Variants in ADGRG4 observed in about 807,000 individuals in gnomAD.
ADGRG4 encodes adhesion G protein-coupled receptor G4.
In ADGRG4, 122 loss-of-function variants were observed where a neutral mutation model predicts 126.2. The observed-to-expected ratio is 0.97, with a 90% confidence interval of 0.83 to 1.12. The LOEUF (loss-of-function observed/expected upper bound fraction) is 1.12. Ranked by LOEUF, ADGRG4 falls within the 50% of genes most tolerant of loss-of-function variation. The pLI, the probability that ADGRG4 is intolerant of heterozygous loss-of-function variation, is 0.00. For synonymous variants in ADGRG4, 943 were observed against 838.7 expected, an observed-to-expected ratio of 1.12 and a Z score of -2.15; for missense variants, 2,481 against 2,251.8, an observed-to-expected ratio of 1.10 and a Z score of -2.06.
In ADGRG4 at chrX:136,348,488, A is replaced by C. The variant is rs756520796; in HGVS notation, c.4782A>C (p.Ser1594=). 7 of 1,207,646 alleles carry C rather than the reference A, an allele frequency of 5.8e-6. No individual in the cohort carries two copies. In the African/African-American group the frequency reaches 1.1e-4, roughly 18 times the overall value. ...RVGLFSTLLS[S]VTPRTTMTMQ... ...GGTTATTCTCTACTTTATTGTCTTC[A>C]GTTACCCCCAGGACTACTATGACCA... Residue 1594 remains serine (S), a synonymous_variant, in exon 6 of 26, where the codon TCA becomes TCC. Transcript: ENST00000394143.
At chrX:136,355,920 A>G (rs1362940151) in intron 8 of ADGRG4, among the ~76,000 whole-genome samples, 2 of 111,755 alleles carry the variant, frequency 1.8e-5, no homozygotes, top group Non-Finnish European at 3.8e-5. Context: ...TGCAAGGTTA[A>G]TAAATCAAAG....
intron 1 of ADGRG4, among the ~76,000 whole-genome samples, chrX:136,303,180 TGTG>T (rs2074713147): frequency 9.1e-6 from 1 of 109,376 alleles, no homozygotes; most frequent in Admixed American, 9.7e-5. Context: ...ATTAGCAAGG[TGTG>T]GTGGTGGATG....
chrX:136,387,584 G>A (rs2075298505), intron 15 of ADGRG4, among the ~76,000 whole-genome samples, 156 bp from the exon 16 acceptor site: 1 of 111,648 alleles, frequency 9.0e-6, no homozygotes, highest in African/African-American at 3.3e-5. Flanking sequence ...GACTGTGTGT[G>A]TGTGTGTGTG....
chrX:136,376,900 A>G (rs2075229946), intron 15 of ADGRG4, among the ~76,000 whole-genome samples: 1 of 110,696 alleles, frequency 9.0e-6, no homozygotes, highest in Admixed American at 9.7e-5. Context: ...GTGAACAGCA[A>G]CAGCTTGACT....
At chrX:136,310,539 C>A in intron 4 of ADGRG4, among the ~76,000 whole-genome samples, 1 of 111,214 alleles carries the variant, frequency 9.0e-6, no homozygotes, top group Non-Finnish European at 1.9e-5. Flanking sequence ...TTGGAAACAA[C>A]GGCATAACTC....
In ADGRG4 at chrX:136,336,781, G is replaced by A. The variant is rs773641642; in HGVS notation, c.686-7611G>A. On this transcript the variant is annotated intron_variant, in intron 5 of 25. Coordinates refer to ENST00000394143, the MANE Select transcript of ADGRG4 (RefSeq NM_153834.4). Reference sequence around the variant, plus strand: ...ACAGCAACATATGGGTTACTTGAGCGTACTTTAATATTCCATCTTGATTTA... The same window carrying A: ...ACAGCAACATATGGGTTACTTGAGCATACTTTAATATTCCATCTTGATTTA... 1.4e-4 allele frequency among the ~76,000 whole-genome samples: 16 copies of A among 111,972 alleles called. No homozygotes were observed. The East Asian group carries it at 2.8e-3, about 20-fold the overall frequency.
At chrX:136,303,741 A>G (rs2074717290) in intron 1 of ADGRG4, among the ~76,000 whole-genome samples, 1 of 111,232 alleles carries the variant, frequency 9.0e-6, no homozygotes, top group South Asian at 3.9e-4. Flanking sequence ...TTCCTCCAGC[A>G]TTGGACCCTT....
chrX:136,364,010 C>A (rs1026687227), intron 13 of ADGRG4, among the ~76,000 whole-genome samples: 2 of 110,046 alleles, frequency 1.8e-5, no homozygotes, highest in Admixed American at 1.9e-4. Flanking sequence ...GGGGTTTCAC[C>A]ATGTTGGCCA....
chrX:136,411,464 C>T (rs1259585449), intron 23 of ADGRG4, among the ~76,000 whole-genome samples: 1 of 112,980 alleles, frequency 8.9e-6, no homozygotes, highest in Non-Finnish European at 1.9e-5. Flanking sequence ...CCTTGCAGGA[C>T]AAAATCAGGG....
chrX:136,342,617 G>A (rs777552151), intron 5 of ADGRG4, among the ~76,000 whole-genome samples: 1 of 110,761 alleles, frequency 9.0e-6, no homozygotes, highest in Non-Finnish European at 1.9e-5. Flanking sequence ...TGAAGAATTG[G>A]CAGAAGTTAA....
intron 15 of ADGRG4, among the ~76,000 whole-genome samples, chrX:136,387,263 G>C (rs2075296812): frequency 8.9e-6 from 1 of 112,176 alleles, no homozygotes; most frequent in African/African-American, 3.2e-5. Context: ...TCACTTCCCT[G>C]CTTCACTTTT....
chrX:136,332,252 G>A (rs1262362815), intron 5 of ADGRG4, among the ~76,000 whole-genome samples: 5 of 104,848 alleles, frequency 4.8e-5, no homozygotes, highest in Admixed American at 1.0e-4. Context: ...GAGAACATGC[G>A]GTGTTTGGTT....
chrX:136,354,463 C>T (rs1176672624), intron 8 of ADGRG4, among the ~76,000 whole-genome samples: 2 of 111,175 alleles, frequency 1.8e-5, no homozygotes, highest in East Asian at 5.7e-4. Context: ...GTTTTTTTTC[C>T]TCTGTTGTCA....
chrX:136,375,693 A>C (rs986688125), intron 15 of ADGRG4, among the ~76,000 whole-genome samples: 1 of 111,782 alleles, frequency 8.9e-6, no homozygotes, highest in Non-Finnish European at 1.9e-5. Context: ...TCTTTTGAGA[A>C]TTGTCTACGC....
chrX:136,308,743 G>A (rs773213079), intron 3 of ADGRG4, 26 bp from the exon 4 acceptor site: 4 of 800,243 alleles, frequency 5.0e-6, no homozygotes, highest in East Asian at 3.1e-5. Flanking sequence ...TCTGAGCTGG[G>A]CATATTTTTG....
chrX:136,353,757 C>A (rs1409096157), intron 8 of ADGRG4, among the ~76,000 whole-genome samples: 2 of 111,773 alleles, frequency 1.8e-5, no homozygotes, highest in African/African-American at 6.5e-5. Context: ...ATTTATAAGG[C>A]CTTTTATTTT....
At chrX:136,407,164 T>G (rs1034352111) in intron 23 of ADGRG4, among the ~76,000 whole-genome samples, 4 of 111,005 alleles carry the variant, frequency 3.6e-5, no homozygotes, top group Admixed American at 2.9e-4. Context: ...CTCCACTATT[T>G]TTTTTTCATT....
Position 136,412,373 on chromosome X carries a change from T to C in ADGRG4, c.9037+7T>C, listed in dbSNP as rs780655944. The stretch of plus-strand genomic sequence containing the variant: ...CGATTGGATAACTCTTCTGGTAAGA[T>C]GTCAGTTTGGATGAAGTTTTGAATA... On this transcript the variant is annotated splice_region_variant and intron_variant, in intron 24 of 25. Transcript: ENST00000394143. The C allele has an allele frequency of 1.7e-5, 18 of 1,090,052 alleles. No homozygotes were observed. The East Asian group carries it at 2.4e-4, about 15-fold the overall frequency. 89.8% of individuals were successfully genotyped at this position (1,090,052 alleles called of 1,213,427 possible).
Position 136,396,860 on chromosome X carries a change from G to C in ADGRG4, c.8185-1021G>C, listed in dbSNP as rs749976589. ...CTGGAGTGCAGTGGTGCAATCTCGG[G>C]TCACTGCAACTTCTACCTCCTGGTT... On this transcript the variant is annotated intron_variant, in intron 19 of 25. Transcript: ENST00000394143. Among the ~76,000 whole-genome samples, 8 of 107,228 alleles carry C rather than the reference G, an allele frequency of 7.5e-5. No homozygotes were observed. In the East Asian group the frequency reaches 2.1e-3, roughly 28 times the overall value. 93.1% of individuals were successfully genotyped at this position (107,228 alleles called of 115,157 possible).
Sources: gnomAD v4.1 joint callset for allele counts (sites outside exome capture counted in the v4.1 genomes callset) on GRCh38, gnomAD v4.1.1 for gene constraint, MANE v1.5 for transcripts, NCBI Gene and HGNC (gene_info 2026-07-23, HGNC 2026-07-21) for gene names.